The following SNAPC5 variants were observed in gnomAD, a reference collection of about 807,000 sequenced individuals.
SNAPC5 encodes small nuclear RNA activating complex polypeptide 5.
SNAPC5 carries 12 observed loss-of-function variants against 9.1 expected under a neutral mutation model. The ratio of observed to expected loss-of-function variants is 1.32; its 90% CI spans 0.85 to 2.15. The LOEUF (loss-of-function observed/expected upper bound fraction) is 2.15. Among genes scored for constraint, SNAPC5 ranks in the 30% most tolerant of loss-of-function variants. SNAPC5 has a pLI of 0.00. For missense variants in SNAPC5, 132 were observed against 114.4 expected, an observed-to-expected ratio of 1.15 and a Z score of -0.70; for synonymous variants, 52 against 47.3, an observed-to-expected ratio of 1.10 and a Z score of -0.41.
intron 2 of SNAPC5, 128 bp downstream of exon 2, chr15:66,495,202 G>C: frequency 2.7e-6 from 2 of 740,782 alleles, no homozygotes; most frequent in South Asian, 1.4e-5. Flanking sequence ...CCAGAAAACT[G>C]TTATCAGCAC....
downstream of SNAPC5, chr15:66,490,472 C>A: frequency 6.8e-7 from 1 of 1,477,674 alleles, no homozygotes; most frequent in South Asian, 1.1e-5. Context: ...TTCTTTTTAA[C>A]ACCACGTCCT....
intron 1 of SNAPC5, among the ~76,000 whole-genome samples, chr15:66,496,328 G>A (rs1022252221): frequency 2.0e-5 from 3 of 152,076 alleles, no homozygotes; most frequent in African/African-American, 7.2e-5. Flanking sequence ...AGCCCGGCGT[G>A]GTGGCACATG....
rs1893337627 is a variant in SNAPC5 at position 66,493,881 on chromosome 15, T to TTTACC, written c.*554_*555insGGTAA. 1 of 152,232 alleles carries TTTACC rather than the reference T, an allele frequency of 6.6e-6. No homozygotes were observed. The highest frequency in any genetic ancestry group is 2.1e-4 in the South Asian group (1 of 4,828). 9.4% of individuals were successfully genotyped at this position (152,232 alleles called of 1,614,324 possible). A position where few individuals can be genotyped will look rare whatever the true frequency, so the allele number is the denominator to read the frequency against. On this transcript the variant is annotated 3_prime_UTR_variant, in exon 3 of 3. Coordinates refer to ENST00000316634, the MANE Select transcript of SNAPC5 (RefSeq NM_001329615.2). Reference sequence around the variant, plus strand: ...AGTGAGTGATGTCTCAAGTGAGAGGTGGTAACAGATACACAAAGCAGTTTA... The same window carrying TTTACC: ...AGTGAGTGATGTCTCAAGTGAGAGGTTTACCGGTAACAGATACACAAAGCAGTTTA...
At chr15:66,490,197 C>T (rs1328373243), downstream of SNAPC5, 10 of 543,072 alleles carry the variant, frequency 1.8e-5, no homozygotes, top group Non-Finnish European at 3.3e-5. Flanking sequence ...ATAATATGCA[C>T]TAAGTCCATC....
At position 66,494,104 on chromosome 15, in the gene SNAPC5, C is replaced by T; in HGVS notation, c.*332G>A. 4.3e-6 allele frequency: 1 copy of T among 234,558 alleles called. No homozygotes were observed. Among genetic ancestry groups the T allele is most frequent in the South Asian group, 6.1e-5 (1 of 16,466 alleles). 14.5% of individuals were successfully genotyped at this position (234,558 alleles called of 1,614,324 possible). A position where few individuals can be genotyped will look rare whatever the true frequency, so the allele number is the denominator to read the frequency against. ...CTGGAAAGACTGGCTTGTATTTAAACTCTGCTCTTTTTGCAAATGACAGAC... is the reference window on the plus strand; with the variant it reads ...CTGGAAAGACTGGCTTGTATTTAAATTCTGCTCTTTTTGCAAATGACAGAC... On this transcript the variant is annotated 3_prime_UTR_variant, in exon 3 of 3. Coordinates refer to ENST00000316634, the MANE Select transcript of SNAPC5 (RefSeq NM_001329615.2).
At chr15:66,490,272 C>T, downstream of SNAPC5, 1 of 666,978 alleles carries the variant, frequency 1.5e-6, no homozygotes, top group Non-Finnish European at 2.7e-6. Flanking sequence ...CTCCATACTG[C>T]ACGAGTAGGC....
downstream of SNAPC5, chr15:66,491,842 G>A: frequency 2.4e-6 from 1 of 414,466 alleles, no homozygotes; most frequent in South Asian, 1.8e-5. Flanking sequence ...AAAAGCAGCT[G>A]ATGGGGGACT....
chr15:66,497,602 G>A (rs749625283), intron 1 of SNAPC5, 40 bp downstream of exon 1: 1 of 1,574,300 alleles, frequency 6.4e-7, no homozygotes, highest in Non-Finnish European at 8.7e-7. Flanking sequence ...TGGTCGCTCG[G>A]GAGGAATGGA....
At chr15:66,491,396 A>G (rs1023554173), downstream of SNAPC5, 1 of 231,308 alleles carries the variant, frequency 4.3e-6, no homozygotes, top group Non-Finnish European at 8.6e-6. Context: ...CTTTCCCCAT[A>G]TCCAAGTACC....
At chr15:66,496,865 C>G (rs1423786138) in intron 1 of SNAPC5, 1 of 152,380 alleles carries the variant, frequency 6.6e-6, no homozygotes, top group Non-Finnish European at 1.5e-5. Flanking sequence ...GTGGTGCACA[C>G]CTGTAATCCC....
chr15:66,489,874 C>G, downstream of SNAPC5: 1 of 928,088 alleles, frequency 1.1e-6, no homozygotes, highest in Non-Finnish European at 1.8e-6. Flanking sequence ...CCACTGTGGT[C>G]CAGCTGAGCC....
rs1567030451 is a variant in SNAPC5 at position 66,494,199 on chromosome 15, C to T, written c.*237G>A. On this transcript the variant is annotated 3_prime_UTR_variant, in exon 3 of 3. Coordinates refer to ENST00000316634, the MANE Select transcript of SNAPC5 (RefSeq NM_001329615.2). Reference sequence around the variant, plus strand: ...CTGAATCTGACCAGATTACAGACAGCACCACCCATATTACTCAATGCTAAG... The same window carrying T: ...CTGAATCTGACCAGATTACAGACAGTACCACCCATATTACTCAATGCTAAG... The T allele has an allele frequency of 8.5e-6, 4 of 472,298 alleles. No homozygotes were observed. The highest frequency in any genetic ancestry group is 3.3e-5 in the Admixed American group (1 of 30,346). 29.3% of individuals were successfully genotyped at this position (472,298 alleles called of 1,614,324 possible).
chr15:66,494,370 A>G lies in SNAPC5; in HGVS notation c.*66T>C. ...GGCCCAGGGCAAGATGATTTCCTTG[A>G]GGAGAAGTAGCCTGAGCCTTAGAAA... On this transcript the variant is annotated 3_prime_UTR_variant, in exon 3 of 3. Coordinates refer to ENST00000316634, the MANE Select transcript of SNAPC5 (RefSeq NM_001329615.2). The G allele has an allele frequency of 1.1e-6, 1 of 874,454 alleles. No homozygotes were observed. The highest frequency in any genetic ancestry group is 5.6e-5 in the East Asian group (1 of 17,752). 54.2% of individuals were successfully genotyped at this position (874,454 alleles called of 1,614,324 possible).
At chr15:66,492,644 A>C (rs1172898966), downstream of SNAPC5, among the ~76,000 whole-genome samples, 1 of 152,156 alleles carries the variant, frequency 6.6e-6, no homozygotes, top group Non-Finnish European at 1.5e-5. Context: ...TCTAAAACCT[A>C]GATCTGACCA....
chr15:66,490,442 G>C, downstream of SNAPC5: 1 of 1,227,244 alleles, frequency 8.1e-7, no homozygotes, highest in Non-Finnish European at 1.2e-6. Flanking sequence ...TTTCCTTCCT[G>C]GTGGGTTTTG....
Position 66,495,468 on chromosome 15 carries a change from A to G in SNAPC5, c.91-49T>C, listed in dbSNP as rs375625178. ...CTTTTCCTTACTATTTCACTGGACT[A>G]CTGATGTGGGTAAACTGCTGGGCAC... On this transcript the variant is annotated intron_variant, in intron 1 of 2. Coordinates refer to ENST00000316634, the MANE Select transcript of SNAPC5 (RefSeq NM_001329615.2). The G allele has an allele frequency of 4.9e-6, 5 of 1,021,486 alleles. No homozygotes were observed. In the African/African-American group the frequency reaches 7.8e-5, roughly 16 times the overall value. 63.3% of individuals were successfully genotyped at this position (1,021,486 alleles called of 1,614,324 possible).
Position 66,495,379 on chromosome 15 carries a change from C to A in SNAPC5, c.131G>T (p.Arg44Ile), listed in dbSNP as rs370969546. The change falls in exon 2 of 3, where the codon AGA (arginine) becomes ATA (isoleucine). Residue 44 changes from arginine (R) to isoleucine (I), a missense_variant. By Grantham distance (97) the Arg-to-Ile change is moderately conservative. Transcript: ENST00000316634. ...GTGAGAAGACAGCATCTCATCCCCT[C>A]TTCTAGAACTGATCATTGATTGGAG... ...LALQSMISSR[R>I]GDEMLSSHTV... 2 of 1,609,172 alleles carry A rather than the reference C, an allele frequency of 1.2e-6. No individual in the cohort carries two copies.
chr15:66,491,670 G>A (rs1367894904), downstream of SNAPC5: 5 of 232,190 alleles, frequency 2.2e-5, no homozygotes, highest in African/African-American at 4.7e-5. Flanking sequence ...ACAGGACACC[G>A]AGTTCAGTGC....
chr15:66,496,178 A>G (rs1286137285), intron 1 of SNAPC5, among the ~76,000 whole-genome samples: 1 of 149,938 alleles, frequency 6.7e-6, no homozygotes, highest in Admixed American at 6.6e-5. Flanking sequence ...AAAGTTTCTG[A>G]AAAAGGGCCG....
Sources: gnomAD v4.1 joint callset for allele counts (sites outside exome capture counted in the v4.1 genomes callset) on GRCh38, gnomAD v4.1.1 for gene constraint, MANE v1.5 for transcripts, NCBI Gene and HGNC (gene_info 2026-07-23, HGNC 2026-07-21) for gene names.